The following ST7L variants were observed in gnomAD, a reference collection of about 807,000 sequenced individuals.
ST7L encodes suppressor of tumorigenicity 7 protein-like.
ST7L carries 57 observed loss-of-function variants against 72.5 expected under a neutral mutation model. That is an observed-to-expected ratio of 0.79 (90% CI 0.64 to 0.98). The LOEUF (loss-of-function observed/expected upper bound fraction) is 0.98. ST7L is among the 50% of genes least tolerant of loss of function. ST7L has a pLI of 0.00. For missense variants in ST7L, 576 were observed against 672.2 expected (o/e 0.86, Z 1.58); for synonymous variants, 221 against 240.9 (o/e 0.92, Z 0.77).
chr1:112,555,835 A>C, intron 12 of ST7L, 33 bp downstream of exon 12: 1 of 1,448,706 alleles, frequency 6.9e-7, no homozygotes, highest in East Asian at 2.4e-5. Context: ...ATAGTTAGAG[A>C]GATTAGTGTT....
intron 13 of ST7L, among the ~76,000 whole-genome samples, chr1:112,549,718 T>A (rs1657780871): frequency 6.6e-6 from 1 of 152,192 alleles, no homozygotes; most frequent in South Asian, 2.1e-4. Context: ...ACATAGAAGA[T>A]CATGTCACCT....
At chr1:112,619,148 G>A (rs746571724), upstream of ST7L, 4 of 1,602,994 alleles carry the variant, frequency 2.5e-6, no homozygotes, top group Non-Finnish European at 3.4e-6. Context: ...AGCTGGGAGG[G>A]GAGAAGGACA....
intron 3 of ST7L, among the ~76,000 whole-genome samples, chr1:112,605,395 C>G (rs1017537092): frequency 7.2e-6 from 1 of 138,256 alleles, no homozygotes; most frequent in African/African-American, 2.7e-5. Context: ...TCCGTCTCAA[C>G]AACAACAAAA....
chr1:112,577,926 TAAGAA>T (rs1663412689), intron 10 of ST7L, among the ~76,000 whole-genome samples: 1 of 152,184 alleles, frequency 6.6e-6, no homozygotes, highest in Admixed American at 6.5e-5. Flanking sequence ...AATTATACTC[TAAGAA>T]GAGATAACAT....
chr1:112,597,966 C>T lies in ST7L; in HGVS notation c.622+5G>A. The T allele has an allele frequency of 6.2e-7, 1 of 1,606,206 alleles. No individual in the cohort carries two copies. The highest frequency in any genetic ancestry group is 8.5e-7 in the Non-Finnish European group (1 of 1,173,956). On this transcript the variant is annotated splice_donor_5th_base_variant and intron_variant, in intron 5 of 14. Coordinates refer to ENST00000358039, the MANE Select transcript of ST7L (RefSeq NM_017744.5). ...GTTTATACTATGAACAGATATGATA[C>T]ATACCTGTGTCTGAAGGACGTAAAA...
intron 13 of ST7L, among the ~76,000 whole-genome samples, chr1:112,546,100 C>T (rs1657002289): frequency 6.6e-6 from 1 of 152,032 alleles, no homozygotes; most frequent in Non-Finnish European, 1.5e-5. Context: ...AGGCAGATCA[C>T]TTGAGCTCAG....
At chr1:112,539,030 A>G (rs936216553) in intron 14 of ST7L, 2 of 152,236 alleles carry the variant, frequency 1.3e-5, no homozygotes, top group African/African-American at 4.8e-5. Flanking sequence ...AATCTATTTC[A>G]TAATGACTCT....
At chr1:112,603,968 C>T (rs1243320985) in intron 3 of ST7L, among the ~76,000 whole-genome samples, 1 of 152,166 alleles carries the variant, frequency 6.6e-6, no homozygotes, top group East Asian at 1.9e-4. Flanking sequence ...ATTCAGTCTA[C>T]AGCATTCTGG....
intron 1 of ST7L, among the ~76,000 whole-genome samples, chr1:112,617,816 G>A (rs941061669): frequency 1.3e-5 from 2 of 151,810 alleles, no homozygotes; most frequent in Admixed American, 6.6e-5. Context: ...GTTGCATATG[G>A]TTAACGTAGA....
chr1:112,554,853 T>C (rs1206925093), intron 12 of ST7L, among the ~76,000 whole-genome samples: 1 of 152,122 alleles, frequency 6.6e-6, no homozygotes, highest in East Asian at 1.9e-4. Context: ...TTTGAAGATA[T>C]TATACTAAGT....
rs201348691 is a variant in ST7L, at chr1:112,526,056, G to A, written c.1685C>T (p.Thr562Ile). The A allele has an allele frequency of 3.7e-6, 6 of 1,614,152 alleles. No individual in the cohort carries two copies. In the Admixed American group the frequency reaches 1.0e-4, roughly 27 times the overall value. Residue 562 changes from threonine (T) to isoleucine (I), a missense_variant, in exon 15 of 15, where the codon ACA becomes ATA. By Grantham distance (89) the Thr-to-Ile change is moderately conservative. This residue lies in a region of ST7L where 511 missense variants were observed against 600.7 expected (regional missense o/e 0.85). Coordinates refer to ENST00000358039, the MANE Select transcript of ST7L (RefSeq NM_017744.5). ...TAGGTCTTCTGACTTCAAATCCTGT[G>A]TATTCTCCTCAAAGCCTGAGGATGC... ...PWASSGFEEN[T>I]QDLKSEDLGL... is the part of the protein sequence containing the mutation.
rs1654347324 is a variant in ST7L, at chr1:112,531,323, T to G, written c.1630-5212A>C. ...TTTCTTAAATTTTGAATTGTGGAGC[T>G]CTCCATTTTTTGATAAATTATATTC... is the stretch of plus-strand genomic sequence containing the variant. On this transcript the variant is annotated intron_variant, in intron 14 of 14. Coordinates refer to ENST00000358039, the MANE Select transcript of ST7L (RefSeq NM_017744.5). Among the ~76,000 whole-genome samples, 3 of 152,274 alleles carry G rather than the reference T, an allele frequency of 2.0e-5. No homozygotes were observed. In the South Asian group the frequency reaches 6.2e-4, roughly 32 times the overall value.
At chr1:112,561,489 T>C (rs1557981813) in intron 11 of ST7L, among the ~76,000 whole-genome samples, 1 of 152,076 alleles carries the variant, frequency 6.6e-6, no homozygotes, top group Non-Finnish European at 1.5e-5. Flanking sequence ...GATCTAACTT[T>C]TTTTTTTGGA....
chr1:112,570,566 T>TACACACAC (rs1349137965), intron 11 of ST7L, among the ~76,000 whole-genome samples: 1 of 134,008 alleles, frequency 7.5e-6, no homozygotes, highest in African/African-American at 3.1e-5. Context: ...TATATATATA[T>TACACACAC]ATATACACAC....
rs944592637 is a variant in ST7L at position 112,550,538 on chromosome 1, T to C, written c.1489+63A>G. On this transcript the variant is annotated intron_variant, in intron 13 of 14. Transcript: ENST00000358039. ...CCAAAGGCATTTTTAAAATGGAGAA[T>C]ACTATGACAAACAATCTAAACTTAC... 6 of 1,279,948 alleles carry C rather than the reference T, an allele frequency of 4.7e-6. No homozygotes were observed. In the Admixed American group the frequency reaches 1.1e-4, roughly 23 times the overall value. The allele number at this position is 1,279,948 out of a possible 1,614,324, so 79.3% of individuals were successfully genotyped here.
intron 14 of ST7L, chr1:112,527,499 G>C (rs1332946679): frequency 6.5e-6 from 1 of 152,764 alleles, no homozygotes; most frequent in African/African-American, 2.4e-5. Context: ...CCAGATGGAG[G>C]GGATAAAAGT....
intron 11 of ST7L, among the ~76,000 whole-genome samples, chr1:112,563,074 T>TA (rs1201033246): frequency 6.6e-6 from 1 of 150,702 alleles, no homozygotes; most frequent in Non-Finnish European, 1.5e-5. Flanking sequence ...TCTGAATTTT[T>TA]AAAAAGTACC....
At chr1:112,529,625 C>A (rs1465444022) in intron 14 of ST7L, 1 of 151,840 alleles carries the variant, frequency 6.6e-6, no homozygotes, top group Non-Finnish European at 1.5e-5. Flanking sequence ...GAAGTCTCAA[C>A]TTGTATAACT....
intron 2 of ST7L, among the ~76,000 whole-genome samples, chr1:112,614,213 G>C (rs982916836): frequency 4.0e-5 from 6 of 150,740 alleles, no homozygotes; most frequent in Non-Finnish European, 8.8e-5. Context: ...CACTATATCA[G>C]CTGCTTAATA....
Sources: gnomAD v4.1 joint callset for allele counts (sites outside exome capture counted in the v4.1 genomes callset) on GRCh38, gnomAD v4.1.1 for gene constraint, gnomAD v4.1.1 regional missense constraint, MANE v1.5 for transcripts, NCBI Gene and HGNC (gene_info 2026-07-23, HGNC 2026-07-21) for gene names.